Variants in ST3GAL6 observed in about 807,000 individuals in gnomAD.
ST3GAL6 encodes ST3 beta-galactoside alpha-2,3-sialyltransferase 6.
Under a neutral mutation model 40.5 loss-of-function variants are expected in ST3GAL6, and 31 were observed. The ratio of observed to expected loss-of-function variants is 0.77; its 90% CI spans 0.58 to 1.03. ST3GAL6 has a LOEUF of 1.03. ST3GAL6 is among the 50% of genes least tolerant of loss of function. ST3GAL6 has a pLI of 0.00. For missense variants in ST3GAL6, 357 were observed against 393.2 expected (o/e 0.91, Z 0.78); for synonymous variants, 129 against 136.9 (o/e 0.94, Z 0.40).
chr3:98,772,976 C>A, intron 4 of ST3GAL6, 60 bp downstream of exon 4: 1 of 1,035,070 alleles, frequency 9.7e-7, no homozygotes, highest in Non-Finnish European at 1.5e-6. Context: ...ATGAGAATGG[C>A]ATGTTAATAT....
intron 5 of ST3GAL6, among the ~76,000 whole-genome samples, chr3:98,779,761 T>A (rs1939900878): frequency 6.6e-6 from 1 of 152,182 alleles, no homozygotes; most frequent in Admixed American, 6.5e-5. Context: ...GGTAAGCAGT[T>A]TAGAGCATAC....
intron 1 of ST3GAL6, among the ~76,000 whole-genome samples, chr3:98,750,450 T>A (rs1159559548): frequency 6.6e-6 from 1 of 152,206 alleles, no homozygotes; most frequent in African/African-American, 2.4e-5. Context: ...TAGAAGACTC[T>A]GTACAGTGAC....
intron 2 of ST3GAL6, among the ~76,000 whole-genome samples, chr3:98,770,092 G>A (rs184053309): frequency 1.1e-4 from 17 of 152,274 alleles, no homozygotes; most frequent in Admixed American, 4.6e-4. Flanking sequence ...AGGGTTTAGG[G>A]TATTTCCTTC....
upstream of ST3GAL6, chr3:98,763,095 A>G (rs1937959699): frequency 1.0e-6 from 1 of 985,294 alleles, no homozygotes; most frequent in South Asian, 4.7e-5. Context: ...AGTCCTGTAC[A>G]TTAAGGCTCA....
chr3:98,774,765 C>T (rs1939351457), intron 5 of ST3GAL6, among the ~76,000 whole-genome samples: 1 of 152,152 alleles, frequency 6.6e-6, no homozygotes, highest in South Asian at 2.1e-4. Flanking sequence ...GGATAGAGGT[C>T]TGAAAGTGTA....
intron 4 of ST3GAL6, 103 bp from the exon 5 acceptor site, chr3:98,773,817 T>C (rs538790389): frequency 1.2e-6 from 1 of 815,618 alleles, no homozygotes; most frequent in Non-Finnish European, 2.1e-6. Flanking sequence ...AATGTGGCCA[T>C]GCTGGTTGGA....
At chr3:98,790,338 A>T (rs1200627640) in intron 8 of ST3GAL6, among the ~76,000 whole-genome samples, 1 of 152,190 alleles carries the variant, frequency 6.6e-6, no homozygotes, top group Non-Finnish European at 1.5e-5. Flanking sequence ...GTTACATCTC[A>T]TCCATTATAA....
chr3:98,791,613 T>G (rs1010054279), intron 8 of ST3GAL6, among the ~76,000 whole-genome samples: 3 of 152,236 alleles, frequency 2.0e-5, no homozygotes, highest in African/African-American at 7.2e-5. Context: ...CACAGCTATA[T>G]TTTATTTTAA....
chr3:98,756,601 A>T (rs1482055005), intron 1 of ST3GAL6: 1 of 1,156,446 alleles, frequency 8.6e-7, no homozygotes, highest in Non-Finnish European at 1.1e-6. Flanking sequence ...GAGCACTTGT[A>T]ATGTTCTTAT....
chr3:98,770,511 G>A (rs1486762588), intron 2 of ST3GAL6: 8 of 185,816 alleles, frequency 4.3e-5, no homozygotes, highest in African/African-American at 7.2e-5. Context: ...AAATAGCCAC[G>A]TGCCCTTGGG....
chr3:98,748,098 C>T (rs925172060), intron 1 of ST3GAL6, among the ~76,000 whole-genome samples: 1 of 152,144 alleles, frequency 6.6e-6, no homozygotes, highest in Non-Finnish European at 1.5e-5. Context: ...GGGAATGAGA[C>T]TGAAGCTATT....
chr3:98,757,539 G>A (rs1308122106), intron 1 of ST3GAL6, among the ~76,000 whole-genome samples: 1 of 152,084 alleles, frequency 6.6e-6, no homozygotes, highest in Non-Finnish European at 1.5e-5. Flanking sequence ...TTGTAAAGCT[G>A]TTTTTCTTGT....
rs760806407 is a variant in ST3GAL6, at chr3:98,788,309, A to G, written c.619-17A>G. 71 of 1,600,490 alleles carry G rather than the reference A, an allele frequency of 4.4e-5. No individual in the cohort carries two copies. Among genetic ancestry groups the G allele is most frequent in the Middle Eastern group, 3.3e-4 (2 of 5,986 alleles). The stretch of plus-strand genomic sequence containing the variant: ...AGACAGCCACACTGTTCTATTCTCT[A>G]TATTTTTTACTTTCAGAACACTAAT... On this transcript the variant is annotated splice_polypyrimidine_tract_variant and intron_variant, in intron 7 of 9. Coordinates refer to ENST00000483910, the MANE Select transcript of ST3GAL6 (RefSeq NM_001323368.2).
intron 1 of ST3GAL6, among the ~76,000 whole-genome samples, chr3:98,746,005 G>C (rs1213640917): frequency 6.6e-6 from 1 of 152,064 alleles, no homozygotes; most frequent in Non-Finnish European, 1.5e-5. Flanking sequence ...GTGATAGATG[G>C]GTATAATTAT....
At chr3:98,735,197 C>T (rs2107243314) in intron 1 of ST3GAL6, among the ~76,000 whole-genome samples, 1 of 152,280 alleles carries the variant, frequency 6.6e-6, no homozygotes, top group Non-Finnish European at 1.5e-5. Flanking sequence ...ACCAAGATTG[C>T]CTTAGGTTGA....
chr3:98,782,400 A>G (rs1940219993), intron 5 of ST3GAL6: 2 of 667,100 alleles, frequency 3.0e-6, no homozygotes, highest in Admixed American at 2.3e-5. Context: ...AAAAAAGTCA[A>G]AAGGCTGTAC....
chr3:98,759,617 T>A (rs1443692090), upstream of ST3GAL6, among the ~76,000 whole-genome samples: 8 of 152,204 alleles, frequency 5.3e-5, no homozygotes, highest in Non-Finnish European at 8.8e-5. Flanking sequence ...TTTTTTTTTT[T>A]AAACTTTTCA....
intron 1 of ST3GAL6, among the ~76,000 whole-genome samples, chr3:98,747,794 C>T (rs1010917035): frequency 1.3e-5 from 2 of 152,014 alleles, no homozygotes; most frequent in Non-Finnish European, 2.9e-5. Context: ...ATCATATACT[C>T]TATAATGTTT....
At chr3:98,745,957 G>A (rs1410138766) in intron 1 of ST3GAL6, among the ~76,000 whole-genome samples, 3 of 152,048 alleles carry the variant, frequency 2.0e-5, no homozygotes, top group Admixed American at 1.3e-4. Context: ...ATACTCTCTC[G>A]GCTCAGACAG....
Sources: gnomAD v4.1 joint callset for allele counts (sites outside exome capture counted in the v4.1 genomes callset) on GRCh38, gnomAD v4.1.1 for gene constraint, MANE v1.5 for transcripts, NCBI Gene and HGNC (gene_info 2026-07-23, HGNC 2026-07-21) for gene names.